CUL5: variants seen among roughly 807,000 people sequenced by gnomAD.
The protein encoded by CUL5 is cullin-5.
A neutral mutation model predicts 108.8 loss-of-function variants in CUL5; 26 were observed. That is an observed-to-expected ratio of 0.24 (90% CI 0.18 to 0.33). The LOEUF (loss-of-function observed/expected upper bound fraction) is 0.33, where lower values mean the gene tolerates loss of function less well. CUL5 is among the 10% of genes least tolerant of loss of function. CUL5 has a pLI of 1.00. For missense variants in CUL5, 524 were observed against 909.2 expected (o/e 0.58, Z 5.45); for synonymous variants, 334 against 298.0 (o/e 1.12, Z -1.25).
chr11:108,081,220 G>A (rs113931220), intron 11 of CUL5, among the ~76,000 whole-genome samples: 17,122 of 151,640 alleles, frequency 0.11, 975 homozygotes, highest in South Asian at 0.13. Flanking sequence ...TCTGGGAGGT[G>A]GAGGTCGCAG....
chr11:108,013,691 AAT>A (rs1384462182), intron 1 of CUL5, among the ~76,000 whole-genome samples: 3 of 152,208 alleles, frequency 2.0e-5, no homozygotes, highest in Non-Finnish European at 4.4e-5. Flanking sequence ...TTTAAACTGA[AAT>A]ATGATTCATA....
rs533014500 is a variant in CUL5 at position 108,073,090 on chromosome 11, T to G, written c.1006-300T>G. 3.4e-4 allele frequency among the ~76,000 whole-genome samples: 52 copies of G among 151,584 alleles called. 1 individual carries two copies. Among genetic ancestry groups the G allele is most frequent in the Admixed American group, 3.1e-3 (47 of 15,202 alleles). On this transcript the variant is annotated intron_variant, in intron 9 of 18. Transcript: ENST00000393094. ...GGTGGCGGGCGCCTATAGTCCCAGCTACTTGGGAGGGTGAGGCAGGAGAAT... is the reference window on the plus strand; with the variant it reads ...GGTGGCGGGCGCCTATAGTCCCAGCGACTTGGGAGGGTGAGGCAGGAGAAT...
intron 9 of CUL5, 25 bp downstream of exon 9, chr11:108,072,487 A>G (rs1388108824): frequency 6.4e-7 from 1 of 1,573,012 alleles, no homozygotes; most frequent in African/African-American, 1.4e-5. Context: ...AATGGCAATG[A>G]TAGATATATA....
intron 16 of CUL5, among the ~76,000 whole-genome samples, chr11:108,097,291 C>T (rs985441321): frequency 6.6e-6 from 1 of 152,224 alleles, no homozygotes; most frequent in Non-Finnish European, 1.5e-5. Flanking sequence ...GCTGGAATTA[C>T]AGGCGTGAGC....
chr11:108,092,136 C>G (rs748248728), intron 13 of CUL5, among the ~76,000 whole-genome samples: 13 of 151,682 alleles, frequency 8.6e-5, no homozygotes, highest in Middle Eastern at 3.4e-3. Context: ...GACCCTTTCT[C>G]AAAAACAAAA....
intron 2 of CUL5, among the ~76,000 whole-genome samples, chr11:108,043,590 G>A (rs1357839848): frequency 6.6e-6 from 1 of 152,166 alleles, no homozygotes; most frequent in African/African-American, 2.4e-5. Flanking sequence ...ATTTGGTTTA[G>A]TGTGAGTTCT....
intron 4 of CUL5, among the ~76,000 whole-genome samples, chr11:108,050,620 A>T (rs546825002): frequency 6.6e-6 from 1 of 152,268 alleles, no homozygotes; most frequent in South Asian, 2.1e-4. Flanking sequence ...TGCCTGCCTC[A>T]GCCTCCGAAA....
rs529414232 is a variant in CUL5, at chr11:108,035,197, G to A, written c.134+1286G>A. Among the ~76,000 whole-genome samples the A allele has an allele frequency of 1.8e-4, 27 of 152,304 alleles. No homozygotes were observed. In the East Asian group the frequency reaches 2.7e-3, roughly 15 times the overall value. ...AAAATCTAATCTGTAAGAAGTGGGC[G>A]AAGGGGCTACACTCTTTGTGATGTG... On this transcript the variant is annotated intron_variant, in intron 2 of 18. Coordinates refer to ENST00000393094, the MANE Select transcript of CUL5 (RefSeq NM_003478.6).
At chr11:108,063,811 A>G (rs577645953) in intron 7 of CUL5, among the ~76,000 whole-genome samples, 2 of 152,110 alleles carry the variant, frequency 1.3e-5, no homozygotes, top group African/African-American at 2.4e-5. Flanking sequence ...GGAACCTCCA[A>G]ACTGCTCCAT....
At chr11:108,081,714 T>C (rs1329948657) in intron 11 of CUL5, among the ~76,000 whole-genome samples, 2 of 152,224 alleles carry the variant, frequency 1.3e-5, no homozygotes, top group African/African-American at 2.4e-5. Flanking sequence ...ATGGCGCTAC[T>C]GCACTCCAGC....
At chr11:108,050,623 C>G (rs1863192088) in intron 4 of CUL5, among the ~76,000 whole-genome samples, 1 of 152,202 alleles carries the variant, frequency 6.6e-6, no homozygotes, top group East Asian at 1.9e-4. Context: ...CTGCCTCAGC[C>G]TCCGAAACTG....
chr11:108,039,648 C>G (rs914457998), intron 2 of CUL5, among the ~76,000 whole-genome samples: 2 of 152,226 alleles, frequency 1.3e-5, no homozygotes, highest in Non-Finnish European at 2.9e-5. Flanking sequence ...TTCCTCTCCT[C>G]AGCTCCATTT....
chr11:108,061,438 A>G (rs1388081224), intron 7 of CUL5, among the ~76,000 whole-genome samples: 4 of 152,210 alleles, frequency 2.6e-5, no homozygotes, highest in Non-Finnish European at 4.4e-5. Context: ...ATAGAAATCT[A>G]TACCATAATT....
intron 2 of CUL5, among the ~76,000 whole-genome samples, chr11:108,044,463 A>G (rs1863016005): frequency 6.6e-6 from 1 of 152,050 alleles, no homozygotes; most frequent in Non-Finnish European, 1.5e-5. Context: ...AGCTGTGTTC[A>G]TGCCACTACA....
chr11:108,066,629 C>T (rs1863688547), intron 7 of CUL5, among the ~76,000 whole-genome samples: 1 of 152,090 alleles, frequency 6.6e-6, no homozygotes, highest in Non-Finnish European at 1.5e-5. Context: ...TCAGTTTCTT[C>T]CTATTTGAAT....
At position 108,073,442 on chromosome 11, in the gene CUL5, A is replaced by C. The variant is rs764435342; in HGVS notation, c.1058A>C (p.Lys353Thr). Reference sequence around the variant, plus strand: ...CTTACACTATTTAATAGATTTAGTAAACTCGTCAAAGAAGCTTTTCAAGAT... The same window carrying C: ...CTTACACTATTTAATAGATTTAGTACACTCGTCAAAGAAGCTTTTCAAGAT... ...QLLTLFNRFS[K>T]LVKEAFQDDP... Residue 353 changes from lysine to threonine, a missense_variant, in exon 10 of 19, where the codon AAA becomes ACA. Transcript: ENST00000393094. 5.0e-6 allele frequency: 8 copies of C among 1,599,252 alleles called. No homozygotes were observed. The South Asian group carries it at 9.0e-5, about 18-fold the overall frequency.
At chr11:108,040,914 C>G (rs1862887061) in intron 2 of CUL5, among the ~76,000 whole-genome samples, 2 of 152,192 alleles carry the variant, frequency 1.3e-5, no homozygotes, top group Admixed American at 1.3e-4. Flanking sequence ...GATAAGATTT[C>G]TAGGGAATTA....
rs1371506831 is a variant in CUL5, at chr11:108,009,042, T to C, written c.-307T>C. 11 of 461,204 alleles carry C rather than the reference T, an allele frequency of 2.4e-5. No individual in the cohort carries two copies. The highest frequency in any genetic ancestry group is 2.0e-5 in the African/African-American group (1 of 49,582). 28.6% of individuals were successfully genotyped at this position (461,204 alleles called of 1,614,324 possible). A position where few individuals can be genotyped will look rare whatever the true frequency, so the allele number is the denominator to read the frequency against. On this transcript the variant is annotated 5_prime_UTR_variant, in exon 1 of 19. It removes an upstream start codon present in the reference 5' UTR. Coordinates refer to ENST00000393094, the MANE Select transcript of CUL5 (RefSeq NM_003478.6). Reference sequence around the variant, plus strand: ...GAGTCGGGGAGGCTCGTGGAGTCGATGCTTCCTCTTCCAAGTCAGGTCGGC... The same window carrying C: ...GAGTCGGGGAGGCTCGTGGAGTCGACGCTTCCTCTTCCAAGTCAGGTCGGC...
chr11:108,023,841 G>T lies in CUL5; in HGVS notation c.25-9961G>T, dbSNP rs369997430. 7.5e-4 allele frequency among the ~76,000 whole-genome samples: 114 copies of T among 152,208 alleles called. 1 individual carries two copies. The highest frequency in any genetic ancestry group is 2.6e-3 in the African/African-American group (106 of 41,536). On this transcript the variant is annotated intron_variant, in intron 1 of 18. Coordinates refer to ENST00000393094, the MANE Select transcript of CUL5 (RefSeq NM_003478.6). ...TTGAAATTTTTTTCTTTTATAAAAG[G>T]AACCTAAAAGTTTAAACAGAGTGTG...
Sources: allele counts gnomAD v4.1 joint callset (sites outside exome capture counted in the v4.1 genomes callset), GRCh38; gene constraint gnomAD v4.1.1; transcripts MANE v1.5; gene names NCBI Gene and HGNC (gene_info 2026-07-23, HGNC 2026-07-21).